Variants in SDCCAG8 observed in about 807,000 individuals in gnomAD.
SDCCAG8 encodes SHH signaling and ciliogenesis regulator SDCCAG8, also known as serologically defined colon cancer antigen 8.
A neutral mutation model predicts 101.8 loss-of-function variants in SDCCAG8; 74 were observed. That is an observed-to-expected ratio of 0.73 (90% CI 0.60 to 0.88). SDCCAG8 has a LOEUF of 0.88. Ranked by LOEUF, SDCCAG8 falls within the 40% of genes least tolerant of loss-of-function variation. The pLI is 0.00. For missense variants in SDCCAG8, 787 were observed against 822.6 expected (o/e 0.96, Z 0.53); for synonymous variants, 281 against 292.9 (o/e 0.96, Z 0.41).
intron 10 of SDCCAG8, among the ~76,000 whole-genome samples, chr1:243,332,738 A>G (rs559780398): frequency 1.1e-4 from 17 of 151,028 alleles, no homozygotes; most frequent in East Asian, 2.0e-4. Context: ...TTCGCGGTCC[A>G]GGTCTGGAGG....
chr1:243,413,614 A>G (rs1156520101), intron 13 of SDCCAG8, among the ~76,000 whole-genome samples: 6 of 152,196 alleles, frequency 3.9e-5, no homozygotes, highest in African/African-American at 1.2e-4. Flanking sequence ...TGTGATGGGT[A>G]GTTTCAGTTG....
chr1:243,454,232 G>GA (rs770925545), intron 16 of SDCCAG8, among the ~76,000 whole-genome samples: 1 of 152,048 alleles, frequency 6.6e-6, no homozygotes, highest in African/African-American at 2.4e-5. Flanking sequence ...TTTAAAACAT[G>GA]AAAAAGATAC....
chr1:243,287,033 T>G lies in SDCCAG8; in HGVS notation c.546+636T>G, dbSNP rs145276095. Among the ~76,000 whole-genome samples the G allele has an allele frequency of 1.8e-3, 279 of 152,338 alleles. 1 individual carries two copies. The highest frequency in any genetic ancestry group is 6.4e-3 in the African/African-American group (267 of 41,576). Reference sequence around the variant, plus strand: ...TTGGTCTGGTTGGCTTCTAGGAATCTAAACTTTCATCAAGTTGCCTAAGTG... The same window carrying G: ...TTGGTCTGGTTGGCTTCTAGGAATCGAAACTTTCATCAAGTTGCCTAAGTG... On this transcript the variant is annotated intron_variant, in intron 5 of 17. Coordinates refer to ENST00000366541, the MANE Select transcript of SDCCAG8 (RefSeq NM_006642.5).
intron 16 of SDCCAG8, among the ~76,000 whole-genome samples, chr1:243,487,073 C>T (rs1665073158): frequency 6.6e-6 from 1 of 152,206 alleles, no homozygotes; most frequent in African/African-American, 2.4e-5. Flanking sequence ...AGATTGTCTG[C>T]TTCTCAAGGA....
chr1:243,307,048 A>G (rs1488297733), intron 7 of SDCCAG8, among the ~76,000 whole-genome samples: 2 of 151,346 alleles, frequency 1.3e-5, no homozygotes, highest in African/African-American at 4.9e-5. Flanking sequence ...TTTCAGCTAG[A>G]AAGTTTTTTT....
At chr1:243,275,988 C>T (rs2068533995) in intron 4 of SDCCAG8, among the ~76,000 whole-genome samples, 2 of 151,728 alleles carry the variant, frequency 1.3e-5, no homozygotes, top group Non-Finnish European at 2.9e-5. Context: ...CTCAGCCTCC[C>T]CAGTAGCTGG....
chr1:243,461,692 TTTTCATCCCATTCCTTA>T (rs567061785), intron 16 of SDCCAG8, among the ~76,000 whole-genome samples: 150 of 152,268 alleles, frequency 9.9e-4, no homozygotes, highest in African/African-American at 3.5e-3. Flanking sequence ...GTCTGTTTCA[TTTTCATCCCATTCCTTA>T]TTTCTGGACT....
chr1:243,420,330 C>T (rs1242516361), intron 15 of SDCCAG8, among the ~76,000 whole-genome samples: 3 of 152,178 alleles, frequency 2.0e-5, no homozygotes, highest in African/African-American at 7.2e-5. Context: ...GTATCAAGTG[C>T]CTAGCACAGT....
At chr1:243,320,714 G>A (rs552818188) in intron 9 of SDCCAG8, among the ~76,000 whole-genome samples, 79 of 152,264 alleles carry the variant, frequency 5.2e-4, no homozygotes, top group Non-Finnish European at 7.2e-4. Flanking sequence ...TTGTGAATGA[G>A]GACTGCATTT....
intron 10 of SDCCAG8, among the ~76,000 whole-genome samples, chr1:243,332,530 AGGTCTGGAGGTGATTATCACGGTCCC>A (rs979534557): frequency 6.6e-6 from 1 of 151,676 alleles, no homozygotes; most frequent in Non-Finnish European, 1.5e-5. Context: ...TTCGCAGTCC[AGGTCTGGAGGTGATTATCACGGTCCC>A]GGTCTGGAGG....
At chr1:243,440,643 G>A (rs2082473333) in intron 16 of SDCCAG8, among the ~76,000 whole-genome samples, 1 of 152,218 alleles carries the variant, frequency 6.6e-6, no homozygotes, top group Admixed American at 6.5e-5. Flanking sequence ...ACAAAGGATT[G>A]AAATCTAGAC....
At chr1:243,258,685 T>G (rs2149244926) in intron 1 of SDCCAG8, among the ~76,000 whole-genome samples, 1 of 152,330 alleles carries the variant, frequency 6.6e-6, no homozygotes, top group African/African-American at 2.4e-5. Context: ...GTTATAGGCG[T>G]GAGCCACCGC....
intron 12 of SDCCAG8, among the ~76,000 whole-genome samples, chr1:243,369,925 C>G (rs2077192588): frequency 6.6e-6 from 1 of 151,814 alleles, no homozygotes. Flanking sequence ...TCTTTTTTCA[C>G]TTCATCTCTT....
intron 1 of SDCCAG8, among the ~76,000 whole-genome samples, chr1:243,264,626 G>C (rs2067446205): frequency 6.6e-6 from 1 of 151,978 alleles, no homozygotes; most frequent in Admixed American, 6.6e-5. Context: ...AAAAAAAAAA[G>C]AAGAAAGAAA....
chr1:243,338,084 C>G (rs1246978836), intron 10 of SDCCAG8, among the ~76,000 whole-genome samples: 1 of 151,622 alleles, frequency 6.6e-6, no homozygotes, highest in Non-Finnish European at 1.5e-5. Flanking sequence ...CCTTGCCTGG[C>G]TAACTAAAAA....
At chr1:243,456,474 T>A (rs1015168899) in intron 16 of SDCCAG8, among the ~76,000 whole-genome samples, 2 of 152,296 alleles carry the variant, frequency 1.3e-5, no homozygotes, top group Admixed American at 6.5e-5. Context: ...TTTTAAAAAA[T>A]GCATGCCTCT....
intron 1 of SDCCAG8, among the ~76,000 whole-genome samples, chr1:243,261,330 A>T (rs1350260883): frequency 6.7e-6 from 1 of 149,692 alleles, no homozygotes; most frequent in East Asian, 1.9e-4. Context: ...TTTGGACCAG[A>T]TGAATGATTA....
chr1:243,457,753 A>G (rs1337174226), intron 16 of SDCCAG8, among the ~76,000 whole-genome samples: 1 of 152,238 alleles, frequency 6.6e-6, no homozygotes, highest in Non-Finnish European at 1.5e-5. Flanking sequence ...CGATGTTTAC[A>G]TAATTGCAAC....
intron 16 of SDCCAG8, among the ~76,000 whole-genome samples, chr1:243,429,762 C>T (rs928971090): frequency 2.0e-4 from 28 of 138,728 alleles, no homozygotes; most frequent in African/African-American, 6.3e-4. Context: ...AGTGCAGTAG[C>T]GCGATCTCGG....
Sources: gnomAD v4.1 joint callset for allele counts (sites outside exome capture counted in the v4.1 genomes callset) on GRCh38, gnomAD v4.1.1 for gene constraint, MANE v1.5 for transcripts, NCBI Gene and HGNC (gene_info 2026-07-23, HGNC 2026-07-21) for gene names.